The following PKHD1 variants were observed in gnomAD, a reference collection of about 807,000 sequenced individuals.
The protein encoded by PKHD1 is fibrocystin.
A neutral mutation model predicts 412.0 loss-of-function variants in PKHD1; 291 were observed. The observed-to-expected ratio is 0.71, with a 90% CI of 0.64 to 0.78. PKHD1 has a LOEUF of 0.78. Among genes scored for constraint, PKHD1 ranks in the 30% least tolerant of loss-of-function variants. PKHD1 has a pLI of 0.00. For synonymous variants in PKHD1, 1,777 were observed against 1,821.5 expected, an observed-to-expected ratio of 0.98 and a Z score of 0.62; for missense variants, 4,825 against 4,950.7, an observed-to-expected ratio of 0.97 and a Z score of 0.76.
intron 60 of PKHD1, among the ~76,000 whole-genome samples, chr6:51,662,928 AT>A (rs1773100011): frequency 6.6e-6 from 1 of 152,048 alleles, no homozygotes; most frequent in Non-Finnish European, 1.5e-5. Context: ...TTAAATAAAA[AT>A]TTAATTATCA....
chr6:51,844,044 G>A (rs1770712898), intron 50 of PKHD1, among the ~76,000 whole-genome samples: 1 of 152,154 alleles, frequency 6.6e-6, no homozygotes, highest in Non-Finnish European at 1.5e-5. Context: ...TATACACTGA[G>A]CTCATGACAC....
intron 48 of PKHD1, among the ~76,000 whole-genome samples, chr6:51,858,771 T>C (rs1482124486): frequency 6.6e-6 from 1 of 152,196 alleles, no homozygotes; most frequent in African/African-American, 2.4e-5. Flanking sequence ...TAAACAAGTG[T>C]TATATGCATC....
chr6:52,005,288 A>G (rs1562109906), intron 35 of PKHD1, among the ~76,000 whole-genome samples: 1 of 152,150 alleles, frequency 6.6e-6, no homozygotes, highest in Non-Finnish European at 1.5e-5. Flanking sequence ...TAATGTGACT[A>G]TAGCTCACCT....
intron 48 of PKHD1, among the ~76,000 whole-genome samples, chr6:51,863,395 G>A (rs1774510698): frequency 1.3e-5 from 2 of 152,308 alleles, no homozygotes; most frequent in African/African-American, 4.8e-5. Context: ...GGTCTGATCT[G>A]TTGATATCTC....
intron 55 of PKHD1, among the ~76,000 whole-genome samples, chr6:51,771,602 G>C (rs1160487487): frequency 6.6e-6 from 1 of 150,456 alleles, no homozygotes; most frequent in Non-Finnish European, 1.5e-5. Context: ...CTGGCCAATA[G>C]AGTGAGACTG....
At chr6:52,050,110 C>G in intron 22 of PKHD1, 47 bp downstream of exon 22, 1 of 1,601,400 alleles carries the variant, frequency 6.2e-7, no homozygotes, top group Non-Finnish European at 8.6e-7. Flanking sequence ...TCAAGGCCAA[C>G]AAGCATTCTT....
At chr6:52,073,319 C>T in intron 7 of PKHD1, 144 bp downstream of exon 7, 1 of 749,436 alleles carries the variant, frequency 1.3e-6, no homozygotes, top group Non-Finnish European at 2.5e-6. Flanking sequence ...TGAAGCCCAG[C>T]TCATGAGGGA....
chr6:51,705,237 G>C (rs544324732), intron 60 of PKHD1, among the ~76,000 whole-genome samples: 1 of 151,860 alleles, frequency 6.6e-6, no homozygotes, highest in Non-Finnish European at 1.5e-5. Flanking sequence ...AAAGGAGGAT[G>C]GGATTTTAAG....
intron 52 of PKHD1, among the ~76,000 whole-genome samples, chr6:51,829,477 A>T (rs1767884544): frequency 6.6e-6 from 1 of 152,150 alleles, no homozygotes; most frequent in Non-Finnish European, 1.5e-5. Context: ...GCCCAGGGTG[A>T]ATCCGCTGGC....
intron 35 of PKHD1, among the ~76,000 whole-genome samples, chr6:52,001,739 T>G (rs2128099791): frequency 6.6e-6 from 1 of 152,148 alleles, no homozygotes; most frequent in East Asian, 1.9e-4. Context: ...CCTCCTTCTT[T>G]TTTAAAAAAA....
intron 35 of PKHD1, among the ~76,000 whole-genome samples, chr6:51,988,266 C>CACTTAAG (rs1287426276): frequency 6.6e-6 from 1 of 152,122 alleles, no homozygotes; most frequent in African/African-American, 2.4e-5. Flanking sequence ...AAGATCTGTA[C>CACTTAAG]ATTTCATTAT....
At chr6:52,056,861 C>T (rs2128209601) in intron 17 of PKHD1, 29 bp downstream of exon 17, 1 of 1,593,086 alleles carries the variant, frequency 6.3e-7, no homozygotes, top group Non-Finnish European at 8.6e-7. Context: ...TCCCACTCCC[C>T]TCCCTCATTT....
Position 51,989,959 on chromosome 6 carries a change from A to AGAAG in PKHD1, c.5751+20346_5751+20349dup, listed in dbSNP as rs769016813. On this transcript the variant is annotated intron_variant, in intron 35 of 66. Transcript: ENST00000371117. The stretch of plus-strand genomic sequence containing the variant: ...AAGAAGGAAGGAAGAAAGGAAGGAA[A>AGAAG]GAAGGAAGGAAGGAAGGAAGGAAGG... Among the ~76,000 whole-genome samples, 61 of 36,578 alleles carry AGAAG rather than the reference A, an allele frequency of 1.7e-3. 1 individual carries two copies. The highest frequency in any genetic ancestry group is 1.4e-3 in the Non-Finnish European group (24 of 17,576). 24.0% of individuals were successfully genotyped at this position (36,578 alleles called of 152,430 possible).
At position 52,028,244 on chromosome 6, in the gene PKHD1, A is replaced by G; in HGVS notation, c.3472T>C (p.Trp1158Arg). The change falls in exon 30 of 67, where the codon TGG becomes CGG. Residue 1158 changes from tryptophan to arginine, a missense_variant. Physicochemically the swap from Trp to Arg is moderately radical, Grantham distance 101. Coordinates refer to ENST00000371117, the MANE Select transcript of PKHD1 (RefSeq NM_138694.4). ...GGGGGCAGTGCCACCTCCAGGCCCC[A>G]AGCCGACTGTGTGTGAACCGGAGCC... ...ALAPVHTQSA[W>R]GLEVALPPLP... The G allele has an allele frequency of 6.2e-7, 1 of 1,614,168 alleles. No homozygotes were observed. Among genetic ancestry groups the G allele is most frequent in the East Asian group, 2.2e-5 (1 of 44,876 alleles).
intron 52 of PKHD1, among the ~76,000 whole-genome samples, chr6:51,821,458 A>C (rs1766411251): frequency 6.6e-6 from 1 of 152,204 alleles, no homozygotes; most frequent in Non-Finnish European, 1.5e-5. Context: ...TATGTCTCCA[A>C]ATAAATATTA....
At chr6:51,861,775 T>C (rs1204651069) in intron 48 of PKHD1, among the ~76,000 whole-genome samples, 1 of 152,240 alleles carries the variant, frequency 6.6e-6, no homozygotes, top group African/African-American at 2.4e-5. Context: ...ATATTTCTCC[T>C]CTAAGGAAGT....
intron 60 of PKHD1, among the ~76,000 whole-genome samples, chr6:51,690,861 A>C (rs1015610638): frequency 6.6e-6 from 1 of 152,234 alleles, no homozygotes; most frequent in African/African-American, 2.4e-5. Flanking sequence ...AGAAAATACC[A>C]ACAGAGTAAA....
chr6:51,834,083 T>A (rs1030384677), intron 51 of PKHD1, among the ~76,000 whole-genome samples: 2 of 152,158 alleles, frequency 1.3e-5, no homozygotes, highest in Non-Finnish European at 2.9e-5. Context: ...TGGCTCTGCA[T>A]GAAGAGGAGG....
At chr6:51,990,378 T>C (rs114591197) in intron 35 of PKHD1, among the ~76,000 whole-genome samples, 228 of 152,292 alleles carry the variant, frequency 1.5e-3, no homozygotes, top group African/African-American at 5.2e-3. Context: ...ACTGATAATA[T>C]CTGCTCCCCC....
Sources: allele counts gnomAD v4.1 joint callset (sites outside exome capture counted in the v4.1 genomes callset), GRCh38; gene constraint gnomAD v4.1.1; transcripts MANE v1.5; gene names NCBI Gene and HGNC (gene_info 2026-07-23, HGNC 2026-07-21).